The following PRKAR1A variants were observed in gnomAD, a reference collection of about 807,000 sequenced individuals.
The protein encoded by PRKAR1A is protein kinase cAMP-dependent type I regulatory subunit alpha, also known as cAMP-dependent protein kinase type I-alpha regulatory subunit.
PRKAR1A carries 3 observed loss-of-function variants against 52.0 expected under a neutral mutation model. That is an observed-to-expected ratio of 0.06 (90% CI 0.03 to 0.15). PRKAR1A has a LOEUF of 0.15. PRKAR1A is among the 10% of genes least tolerant of loss of function. The probability of loss-of-function intolerance (pLI) is 1.00; values close to 1 mark genes in which losing one functional copy is unlikely to be tolerated. For synonymous variants in PRKAR1A, 188 were observed against 168.4 expected (o/e 1.12, Z -0.90); for missense variants, 240 against 477.4 (o/e 0.50, Z 4.63).
chr17:68,444,671 T>C, the PRKAR1A span: 3 of 1,185,032 alleles, frequency 2.5e-6, no homozygotes, highest in East Asian at 7.1e-5. Flanking sequence ...ATCTTTCATA[T>C]GAGTCCTAAC....
intron 11 of PRKAR1A, among the ~76,000 whole-genome samples, chr17:68,544,493 C>T (rs2086458068): frequency 1.3e-5 from 2 of 152,072 alleles, no homozygotes; most frequent in African/African-American, 4.8e-5. Context: ...TGATGATCTT[C>T]GAATAATTTT....
the PRKAR1A span, among the ~76,000 whole-genome samples, chr17:68,505,395 G>T: frequency 3.3e-5 from 5 of 152,180 alleles, no homozygotes; most frequent in African/African-American, 4.8e-5. Context: ...GATATTTGTG[G>T]CAGTGAATCT....
At chr17:68,430,233 A>G in the PRKAR1A span, 2 of 1,477,158 alleles carry the variant, frequency 1.4e-6, no homozygotes, top group African/African-American at 1.4e-5. Context: ...CTCCACACCC[A>G]AGCGTCATTA....
At chr17:68,523,915 T>C in intron 4 of PRKAR1A, 99 bp downstream of exon 4, 1 of 1,573,238 alleles carries the variant, frequency 6.4e-7, no homozygotes, top group Admixed American at 1.7e-5. Flanking sequence ...TTAGTAATTG[T>C]TCACCAGATG....
At chr17:68,489,453 T>A in the PRKAR1A span, among the ~76,000 whole-genome samples, 1 of 124,494 alleles carries the variant, frequency 8.0e-6, no homozygotes, top group Non-Finnish European at 1.7e-5. Context: ...TATATATATA[T>A]AAATGGAAAA....
the PRKAR1A span, chr17:68,453,086 G>T: frequency 2.0e-6 from 2 of 979,742 alleles, no homozygotes; most frequent in Non-Finnish European, 3.2e-6. Flanking sequence ...AGCCTCAGGG[G>T]TACAGTAAAC....
chr17:68,438,550 T>A, the PRKAR1A span, among the ~76,000 whole-genome samples: 1 of 152,124 alleles, frequency 6.6e-6, no homozygotes, highest in Non-Finnish European at 1.5e-5. Flanking sequence ...AACTAAAGAG[T>A]TAAGACCTTA....
the PRKAR1A span, among the ~76,000 whole-genome samples, chr17:68,433,888 T>G: frequency 6.8e-6 from 1 of 147,990 alleles, no homozygotes; most frequent in African/African-American, 2.5e-5. Flanking sequence ...GTTCAAGCGA[T>G]TCTCCTGCCT....
intron 11 of PRKAR1A, chr17:68,539,370 AT>A (rs1568717723): frequency 6.8e-6 from 11 of 1,614,112 alleles, no homozygotes; most frequent in Non-Finnish European, 8.5e-6. Flanking sequence ...GAGGATGGAG[AT>A]TTCATCATGG....
the PRKAR1A span, among the ~76,000 whole-genome samples, chr17:68,455,422 A>G: frequency 6.6e-6 from 1 of 151,708 alleles, no homozygotes; most frequent in Non-Finnish European, 1.5e-5. Context: ...ACGAAGTATG[A>G]GCGTAGGGGA....
At chr17:68,487,124 G>A in the PRKAR1A span, among the ~76,000 whole-genome samples, 1 of 152,108 alleles carries the variant, frequency 6.6e-6, no homozygotes, top group African/African-American at 2.4e-5. Context: ...CGCCCGCCTC[G>A]GCCTCCCAAA....
chr17:68,441,214 C>T, the PRKAR1A span: 1 of 152,232 alleles, frequency 6.6e-6, no homozygotes, highest in Non-Finnish European at 1.5e-5. Flanking sequence ...GAGCCCCTGT[C>T]TGGCCAAGCT....
rs1178623647 is a variant in PRKAR1A, at chr17:68,532,768, AAATG to A, written c.*2323_*2326del. On this transcript the variant is annotated 3_prime_UTR_variant, in exon 11 of 11. Coordinates refer to ENST00000589228, the MANE Select transcript of PRKAR1A (RefSeq NM_002734.5). ...AAGAGATGAAATAATTTAAATTCTT[AAATG>A]AATCAGTTTTTCTTCCCTTTCTCCT... is the stretch of plus-strand genomic sequence containing the variant. The A allele has an allele frequency of 7.5e-6, 8 of 1,066,334 alleles. No individual in the cohort carries two copies. In the East Asian group the frequency reaches 4.0e-4, roughly 53 times the overall value. The allele number at this position is 1,066,334 out of a possible 1,614,324, so 66.1% of individuals were successfully genotyped here. A position where few individuals can be genotyped will look rare whatever the true frequency, so the allele number is the denominator to read the frequency against.
At chr17:68,423,340 C>T in the PRKAR1A span, among the ~76,000 whole-genome samples, 1 of 152,200 alleles carries the variant, frequency 6.6e-6, no homozygotes, top group South Asian at 2.1e-4. This position sits in a 1 kb window ranked among gnomAD's most constrained non-coding sequence, Gnocchi z 4.4. Flanking sequence ...ATGCATGCCT[C>T]TGGTCCTTAC....
At chr17:68,445,148 G>A in the PRKAR1A span, among the ~76,000 whole-genome samples, 23 of 152,124 alleles carry the variant, frequency 1.5e-4, no homozygotes, top group Admixed American at 1.5e-3. Context: ...TCGAACTCCC[G>A]ACCTCAGGTG....
chr17:68,495,485 G>T, the PRKAR1A span, among the ~76,000 whole-genome samples: 3 of 152,072 alleles, frequency 2.0e-5, no homozygotes, highest in Admixed American at 2.0e-4. Flanking sequence ...CACACCACCA[G>T]CTCCTCCATC....
chr17:68,464,696 A>T, the PRKAR1A span, among the ~76,000 whole-genome samples: 1 of 30,466 alleles, frequency 3.3e-5, no homozygotes, highest in Middle Eastern at 0.016. Context: ...TCAAAAAAAA[A>T]AACAAAAAAA....
chr17:68,417,733 A>ATTTTTTTT, the PRKAR1A span, among the ~76,000 whole-genome samples: 212 of 60,828 alleles, frequency 3.5e-3, 46 homozygotes, highest in Admixed American at 5.5e-3. Context: ...GAGTTGCTGA[A>ATTTTTTTT]TTTTTTTTTT....
At chr17:68,421,936 G>A in the PRKAR1A span, 1 of 1,347,968 alleles carries the variant, frequency 7.4e-7, no homozygotes, top group Non-Finnish European at 1.1e-6. Context: ...GGGCACTGTG[G>A]AATTTTTCTG....
Sources: allele counts gnomAD v4.1 joint callset (sites outside exome capture counted in the v4.1 genomes callset), GRCh38; gene constraint gnomAD v4.1.1; non-coding constraint Gnocchi (gnomAD v3.1); transcripts MANE v1.5; gene names NCBI Gene and HGNC (gene_info 2026-07-23, HGNC 2026-07-21).